The following RAPGEF4 variants were observed in gnomAD, a reference collection of about 807,000 sequenced individuals.
The protein encoded by RAPGEF4 is Rap guanine nucleotide exchange factor 4, also known as RAP guanine-nucleotide-exchange factor (GEF) 4.
RAPGEF4 carries 66 observed loss-of-function variants against 147.9 expected under a neutral mutation model. The observed-to-expected ratio is 0.45, with a 90% confidence interval of 0.37 to 0.55. RAPGEF4 has a LOEUF of 0.55. Among genes scored for constraint, RAPGEF4 ranks in the 20% least tolerant of loss-of-function variants. The probability of loss-of-function intolerance (pLI) is 0.00; values close to 1 mark genes in which losing one functional copy is unlikely to be tolerated. For synonymous variants in RAPGEF4, 419 were observed against 442.7 expected, an observed-to-expected ratio of 0.95 and a Z score of 0.67; for missense variants, 1,071 against 1,257.3, an observed-to-expected ratio of 0.85 and a Z score of 2.24.
chr2:172,961,320 C>T (rs1022048770), intron 8 of RAPGEF4, 92 bp downstream of exon 8: 23 of 1,038,972 alleles, frequency 2.2e-5, no homozygotes, highest in African/African-American at 1.4e-4. Context: ...TCCATGTGGG[C>T]GCAGCCCATT....
At chr2:173,011,942 A>G (rs1446380881) in intron 17 of RAPGEF4, among the ~76,000 whole-genome samples, 2 of 151,138 alleles carry the variant, frequency 1.3e-5, no homozygotes, top group Non-Finnish European at 2.9e-5. Flanking sequence ...CTCTATTACT[A>G]CCAGCTCAGT....
chr2:173,001,389 A>AC (rs11320644), intron 17 of RAPGEF4, 45 bp downstream of exon 17: 8 of 1,609,812 alleles, frequency 5.0e-6, no homozygotes, highest in East Asian at 2.2e-5. Flanking sequence ...CTCGAAGACA[A>AC]CCCCCCCTAT....
At chr2:173,011,199 C>CAA (rs1694997314) in intron 17 of RAPGEF4, among the ~76,000 whole-genome samples, 1 of 151,996 alleles carries the variant, frequency 6.6e-6, no homozygotes, top group Non-Finnish European at 1.5e-5. Flanking sequence ...CACACACACA[C>CAA]ACACACACAC....
chr2:173,051,004 A>G (rs1686164865), intron 30 of RAPGEF4, among the ~76,000 whole-genome samples: 1 of 152,240 alleles, frequency 6.6e-6, no homozygotes, highest in African/African-American at 2.4e-5. Flanking sequence ...GCATCAGAAT[A>G]GAATGGTAGC....
At chr2:172,754,090 T>A (rs9807937) in intron 1 of RAPGEF4, among the ~76,000 whole-genome samples, 146,458 of 152,308 alleles carry the variant, frequency 0.96, 70,700 homozygotes, top group East Asian at 1. Flanking sequence ...TTATTAATTT[T>A]TTGCTATAAA....
chr2:172,860,294 T>A, intron 4 of RAPGEF4: 1 of 985,442 alleles, frequency 1.0e-6, no homozygotes, highest in South Asian at 4.7e-5. Context: ...GGGAGAAGTG[T>A]CTGGTGTAAG....
At chr2:173,013,730 A>AGGTATCCTAGGTGTCCTGTATCCTAG (rs1695241772) in intron 17 of RAPGEF4, among the ~76,000 whole-genome samples, 1 of 152,192 alleles carries the variant, frequency 6.6e-6, no homozygotes. Context: ...TCCTAGGCGT[A>AGGTATCCTAGGTGTCCTGTATCCTAG]GTGTAGAATA....
At chr2:172,766,442 C>G (rs1696853047) in intron 1 of RAPGEF4, among the ~76,000 whole-genome samples, 1 of 152,074 alleles carries the variant, frequency 6.6e-6, no homozygotes, top group South Asian at 2.1e-4. Context: ...GTCCCAGCTA[C>G]TCGGGAGGCT....
chr2:172,892,049 A>G (rs1406066816), intron 4 of RAPGEF4, among the ~76,000 whole-genome samples: 1 of 152,138 alleles, frequency 6.6e-6, no homozygotes, highest in Non-Finnish European at 1.5e-5. Flanking sequence ...GTCACAGTGA[A>G]TGAAAATGGA....
At chr2:173,027,806 A>G (rs527687179) in intron 25 of RAPGEF4, among the ~76,000 whole-genome samples, 30 of 152,290 alleles carry the variant, frequency 2.0e-4, no homozygotes, top group Admixed American at 1.7e-3. Flanking sequence ...ATGGGAAACA[A>G]TTTTTTTACT....
chr2:172,915,227 A>G (rs958496975), intron 4 of RAPGEF4, among the ~76,000 whole-genome samples: 1 of 152,228 alleles, frequency 6.6e-6, no homozygotes, highest in African/African-American at 2.4e-5. Context: ...TTATTAAATG[A>G]ATTATTTTTA....
At chr2:172,952,998 CA>C (rs373145999) in intron 6 of RAPGEF4, among the ~76,000 whole-genome samples, 28 of 152,196 alleles carry the variant, frequency 1.8e-4, no homozygotes, top group African/African-American at 4.8e-4. Flanking sequence ...GAACAGTTGA[CA>C]GGGGGGGTCC....
intron 29 of RAPGEF4, among the ~76,000 whole-genome samples, chr2:173,046,789 A>G (rs1389919444): frequency 6.6e-6 from 1 of 152,184 alleles, no homozygotes; most frequent in Non-Finnish European, 1.5e-5. Context: ...AACTTTTCCA[A>G]TTGCCTCTTT....
rs1435864683 is a variant in RAPGEF4, at chr2:172,922,430, T to C, written c.537+130T>C. The C allele has an allele frequency of 7.6e-6, 7 of 923,412 alleles. No homozygotes were observed. The East Asian group carries it at 9.8e-5, about 13-fold the overall frequency. The allele number at this position is 923,412 out of a possible 1,614,324, so 57.2% of individuals were successfully genotyped here. A position where few individuals can be genotyped will look rare whatever the true frequency, so the allele number is the denominator to read the frequency against. On this transcript the variant is annotated intron_variant, in intron 6 of 30. Coordinates refer to ENST00000397081, the MANE Select transcript of RAPGEF4 (RefSeq NM_007023.4). ...AGCAATAAATATTTTTCTAATCTCA[T>C]TCTGGCATCTTTGGCAAGTCACTTT...
chr2:172,843,049 A>G (rs1691789889), intron 4 of RAPGEF4, among the ~76,000 whole-genome samples: 1 of 152,312 alleles, frequency 6.6e-6, no homozygotes, highest in Admixed American at 6.5e-5. Context: ...CAAGTTTTTG[A>G]TGTAATCACA....
At position 172,960,975 on chromosome 2, in the gene RAPGEF4, C is replaced by T. The variant is rs566739205; in HGVS notation, c.592-147C>T. On this transcript the variant is annotated intron_variant, in intron 7 of 30. Coordinates refer to ENST00000397081, the MANE Select transcript of RAPGEF4 (RefSeq NM_007023.4). Reference sequence around the variant, plus strand: ...TTCTCAACATAAACCAGTGACATATCACACAAGTGAACAAAGTAAAGCACT... The same window carrying T: ...TTCTCAACATAAACCAGTGACATATTACACAAGTGAACAAAGTAAAGCACT... 4.5e-5 allele frequency: 37 copies of T among 817,016 alleles called. No homozygotes were observed. In the East Asian group the frequency reaches 8.8e-4, roughly 19 times the overall value. The allele number at this position is 817,016 out of a possible 1,614,324, so 50.6% of individuals were successfully genotyped here. A position where few individuals can be genotyped will look rare whatever the true frequency, so the allele number is the denominator to read the frequency against.
intron 1 of RAPGEF4, among the ~76,000 whole-genome samples, chr2:172,771,846 C>T (rs1683648883): frequency 6.6e-6 from 1 of 152,076 alleles, no homozygotes. Flanking sequence ...AACAATAAAC[C>T]AGCCTTCAAT....
chr2:173,014,709 T>G, intron 18 of RAPGEF4, 95 bp downstream of exon 18: 2 of 1,198,690 alleles, frequency 1.7e-6, no homozygotes, highest in Non-Finnish European at 2.3e-6. Context: ...AGACCGTAAT[T>G]GCAAATGCTA....
chr2:172,747,373 C>G (rs1040644984), intron 1 of RAPGEF4, among the ~76,000 whole-genome samples: 1 of 152,174 alleles, frequency 6.6e-6, no homozygotes, highest in African/African-American at 2.4e-5. Context: ...AAGATCTACT[C>G]TCTTAGCAAA....
Sources: allele counts gnomAD v4.1 joint callset (sites outside exome capture counted in the v4.1 genomes callset), GRCh38; gene constraint gnomAD v4.1.1; transcripts MANE v1.5; gene names NCBI Gene and HGNC (gene_info 2026-07-23, HGNC 2026-07-21).